The following ZIM2 variants were observed in gnomAD, a reference collection of about 807,000 sequenced individuals.
ZIM2 encodes the protein zinc finger protein 656.
Under a neutral mutation model 38.6 loss-of-function variants are expected in ZIM2, and 14 were observed. The observed-to-expected ratio is 0.36, with a 90% confidence interval of 0.24 to 0.57. ZIM2 has a LOEUF of 0.57. Ranked by LOEUF, ZIM2 falls within the 20% of genes least tolerant of loss-of-function variation. ZIM2 has a pLI of 0.81. For synonymous variants in ZIM2, 247 were observed against 245.8 expected (o/e 1.00, Z -0.04); for missense variants, 680 against 695.1 (o/e 0.98, Z 0.24).
intron 10 of ZIM2, among the ~76,000 whole-genome samples, chr19:56,785,034 A>T (rs1379733035): frequency 4.6e-5 from 7 of 151,906 alleles, no homozygotes; most frequent in African/African-American, 1.7e-4. Context: ...ATTGTTTTTT[A>T]AAAATTTGTA....
At chr19:56,792,393 T>C (rs945624574) in intron 9 of ZIM2, among the ~76,000 whole-genome samples, 1 of 150,446 alleles carries the variant, frequency 6.6e-6, no homozygotes, top group African/African-American at 2.4e-5. Context: ...TAGCCAGGCG[T>C]GGTGGTGGGC....
Position 56,782,099 on chromosome 19 carries a change from C to A in ZIM2, c.593G>T (p.Gly198Val). 6.2e-7 allele frequency: 1 copy of A among 1,613,820 alleles called. No homozygotes were observed. The highest frequency in any genetic ancestry group is 1.1e-5 in the South Asian group (1 of 91,048). ...CAACTCCTCAAACACCAGAAATGTTCCTAAGTGTTTGAAGTCCGGGAACTA... is the reference window on the plus strand; with the variant it reads ...CAACTCCTCAAACACCAGAAATGTTACTAAGTGTTTGAAGTCCGGGAACTA... ...GSQFPDFKHL[G>V]TFLVFEELVT... Residue 198 changes from glycine to valine, a missense_variant, in exon 11 of 13, where the codon GGA (glycine) becomes GTA (valine). Gly to Val is a moderately radical substitution (Grantham distance 109, BLOSUM62 -3). Coordinates refer to ENST00000629319, the MANE Select transcript of ZIM2 (RefSeq NM_001387356.1).
chr19:56,813,993 G>A (rs774245986), intron 9 of ZIM2: 111 of 1,613,808 alleles, frequency 6.9e-5, no homozygotes, highest in Middle Eastern at 1.6e-4. Flanking sequence ...TTCCCACACC[G>A]TCAGGCTCGT....
intron 9 of ZIM2, chr19:56,815,491 A>G (rs1361196327): frequency 6.2e-7 from 1 of 1,614,024 alleles, no homozygotes; most frequent in Non-Finnish European, 8.5e-7. Context: ...GTGCTCAGTG[A>G]GGTCAGAGCT....
rs753169208 is a variant in ZIM2 at position 56,815,177 on chromosome 19, T to C, written c.490+2569A>G. ...GGGTCTTCCATGTCTGAGCCTTGAATGACAGGGTCTTCAATTGTCTCCTGA... is the reference window on the plus strand; with the variant it reads ...GGGTCTTCCATGTCTGAGCCTTGAACGACAGGGTCTTCAATTGTCTCCTGA... On this transcript the variant is annotated intron_variant, in intron 9 of 12. Coordinates refer to ENST00000629319, the MANE Select transcript of ZIM2 (RefSeq NM_001387356.1). 1.5e-5 allele frequency: 25 copies of C among 1,613,908 alleles called. No individual in the cohort carries two copies. The highest frequency in any genetic ancestry group is 1.6e-4 in the Middle Eastern group (1 of 6,084).
At chr19:56,813,377 G>C in intron 9 of ZIM2, 1 of 1,175,196 alleles carries the variant, frequency 8.5e-7, no homozygotes, top group Non-Finnish European at 1.1e-6. Context: ...CAGTTGATTT[G>C]GGCAAACTCT....
chr19:56,795,957 A>C (rs2047202117), intron 9 of ZIM2, among the ~76,000 whole-genome samples: 1 of 152,216 alleles, frequency 6.6e-6, no homozygotes, highest in Non-Finnish European at 1.5e-5. Flanking sequence ...ATAACAAACT[A>C]ATTTCAAAAA....
At chr19:56,779,609 C>T in intron 11 of ZIM2, 137 bp from the exon 12 acceptor site, 2 of 764,884 alleles carry the variant, frequency 2.6e-6, no homozygotes, top group South Asian at 3.4e-5. Flanking sequence ...AGAGATTTTA[C>T]CCCCTAAGGG....
chr19:56,777,626 A>C (rs1318812611), intron 12 of ZIM2, among the ~76,000 whole-genome samples: 1 of 152,244 alleles, frequency 6.6e-6, no homozygotes, highest in Non-Finnish European at 1.5e-5. Context: ...CATTAGCCAC[A>C]TGTTGCTATC....
At chr19:56,781,613 C>G (rs1235358249) in intron 11 of ZIM2, among the ~76,000 whole-genome samples, 2 of 152,092 alleles carry the variant, frequency 1.3e-5, no homozygotes, top group African/African-American at 4.8e-5. Context: ...TCGACAAGTA[C>G]TTTAGCCTTT....
intron 9 of ZIM2, chr19:56,815,355 C>T (rs201092442): frequency 6.1e-5 from 99 of 1,614,084 alleles, no homozygotes; most frequent in Non-Finnish European, 7.4e-5. Context: ...ATTTGTTCCG[C>T]GCTTGCTCTT....
chr19:56,797,224 G>A (rs1482296466), intron 9 of ZIM2, among the ~76,000 whole-genome samples: 1 of 152,152 alleles, frequency 6.6e-6, no homozygotes, highest in Non-Finnish European at 1.5e-5. Context: ...GCTGAGGCAT[G>A]AGAATGGCTT....
rs140380938 is a variant in ZIM2 at position 56,777,036 on chromosome 19, G to A, written c.836-1507C>T. On this transcript the variant is annotated intron_variant, in intron 12 of 12. Transcript: ENST00000629319. ...GACGGAGGTAAGAAGCTGATAAAAA[G>A]TCTGTGCTTTATAAAGGCAACTCTC... 6.9e-3 allele frequency among the ~76,000 whole-genome samples: 1,052 copies of A among 152,244 alleles called. 10 individuals carry two copies. Among genetic ancestry groups the A allele is most frequent in the African/African-American group, 0.024 (978 of 41,530 alleles).
At chr19:56,834,926 A>C (rs1254945149) in intron 2 of ZIM2, among the ~76,000 whole-genome samples, 1 of 152,238 alleles carries the variant, frequency 6.6e-6, no homozygotes, top group Non-Finnish European at 1.5e-5. Context: ...GATCAGGCCC[A>C]GTATCAATGC....
chr19:56,806,076 G>GTA (rs1322736474), intron 9 of ZIM2, among the ~76,000 whole-genome samples: 1 of 152,088 alleles, frequency 6.6e-6, no homozygotes, highest in Non-Finnish European at 1.5e-5. Flanking sequence ...AATGTATTAG[G>GTA]TATATATATA....
rs542574595 is a variant in ZIM2 at position 56,816,866 on chromosome 19, T to C, written c.490+880A>G. 4.9e-5 allele frequency: 79 copies of C among 1,614,146 alleles called. 2 individuals are homozygous for C. In the South Asian group the frequency reaches 8.6e-4, roughly 17 times the overall value. On this transcript the variant is annotated intron_variant, in intron 9 of 12. Coordinates refer to ENST00000629319, the MANE Select transcript of ZIM2 (RefSeq NM_001387356.1). ...TCCACAAGATAACCTCTAGCATGAATCTTCCGATGTTCAGCCAAGGCGGCA... is the reference window on the plus strand; with the variant it reads ...TCCACAAGATAACCTCTAGCATGAACCTTCCGATGTTCAGCCAAGGCGGCA...
chr19:56,785,989 G>A (rs369394132), intron 10 of ZIM2, among the ~76,000 whole-genome samples: 12 of 151,852 alleles, frequency 7.9e-5, no homozygotes, highest in African/African-American at 2.2e-4. Context: ...ACATTTCATC[G>A]CCCCAAAAGA....
At chr19:56,829,499 A>G (rs552238507) in intron 2 of ZIM2, among the ~76,000 whole-genome samples, 1 of 152,342 alleles carries the variant, frequency 6.6e-6, no homozygotes, top group Non-Finnish European at 1.5e-5. Flanking sequence ...CACCACTGAC[A>G]GGGAAACGTG....
rs777705311 is a variant in ZIM2, at chr19:56,817,402, T to C, written c.490+344A>G. 5.6e-6 allele frequency: 9 copies of C among 1,614,138 alleles called. 1 individual carries two copies. The South Asian group carries it at 7.7e-5, about 14-fold the overall frequency. On this transcript the variant is annotated intron_variant, in intron 9 of 12. Coordinates refer to ENST00000629319, the MANE Select transcript of ZIM2 (RefSeq NM_001387356.1). ...GTTCAATGAAATGTCCTTCCAGTTA[T>C]CATCTGACATTCTGGGGAATCTCTG...
Sources: gnomAD v4.1 joint callset for allele counts (sites outside exome capture counted in the v4.1 genomes callset) on GRCh38, gnomAD v4.1.1 for gene constraint, MANE v1.5 for transcripts, NCBI Gene and HGNC (gene_info 2026-07-23, HGNC 2026-07-21) for gene names.